AKNA: variants seen among roughly 807,000 people sequenced by gnomAD.
AKNA encodes AT-hook transcription factor, also known as microtubule organization protein AKNA.
Under a neutral mutation model 138.8 loss-of-function variants are expected in AKNA, and 67 were observed. The ratio of observed to expected loss-of-function variants is 0.48; its 90% CI spans 0.40 to 0.59. The LOEUF (loss-of-function observed/expected upper bound fraction) is 0.59. Ranked by LOEUF, AKNA falls within the 20% of genes least tolerant of loss-of-function variation. AKNA has a pLI of 0.00. For missense variants in AKNA, 1,813 were observed against 1,880.4 expected (o/e 0.96, Z 0.66); for synonymous variants, 737 against 754.4 (o/e 0.98, Z 0.38).
At chr9:114,331,248 G>C (rs1829846059), downstream of AKNA, among the ~76,000 whole-genome samples, 1 of 152,088 alleles carries the variant, frequency 6.6e-6, no homozygotes, top group African/African-American at 2.4e-5. Flanking sequence ...GTGGCACATG[G>C]CAGGGATCTG....
downstream of AKNA, chr9:114,331,753 A>G (rs1829857055): frequency 6.3e-7 from 1 of 1,582,282 alleles, no homozygotes; most frequent in Non-Finnish European, 8.7e-7. Context: ...GCTGGCCCCT[A>G]GAACCCCAGC....
Position 114,377,057 on chromosome 9 carries a change from A to G in AKNA, c.750T>C (p.Thr250=). The part of the protein sequence containing the change: ...SHHLLSPDGR[T]GGSVARATPM... The stretch of plus-strand genomic sequence containing the variant: ...GGGTTGCCCGAGCAACACTGCCTCC[A>G]GTTCTGCCATCTGGGCTTAGGAGGT... Residue 250 remains threonine, a synonymous_variant, in exon 3 of 22, where the codon ACT becomes ACC. Coordinates refer to ENST00000374088, the MANE Select transcript of AKNA (RefSeq NM_001317950.2). 6.2e-7 allele frequency: 1 copy of G among 1,614,088 alleles called. No homozygotes were observed.
At position 114,377,323 on chromosome 9, in the gene AKNA, C is replaced by A. The variant is rs1833311879; in HGVS notation, c.484G>T (p.Ala162Ser). Residue 162 changes from alanine (A) to serine (S), a missense_variant, in exon 3 of 22, where the codon GCT (alanine) becomes TCT (serine). Physicochemically the swap from Ala to Ser is moderately conservative, Grantham distance 99. Coordinates refer to ENST00000374088, the MANE Select transcript of AKNA (RefSeq NM_001317950.2). ...CCCCTGGCCTGACCATGCCCAAGAGCCATGGGGCTGGTGTTTCCATGGCCT... is the reference window on the plus strand; with the variant it reads ...CCCCTGGCCTGACCATGCCCAAGAGACATGGGGCTGGTGTTTCCATGGCCT... ...LEGHGNTSPMALGHGQARGWV... is the reference protein window; with the variant it reads ...LEGHGNTSPMSLGHGQARGWV... 1 of 1,613,966 alleles carries A rather than the reference C, an allele frequency of 6.2e-7. No individual in the cohort carries two copies. The highest frequency in any genetic ancestry group is 1.3e-5 in the African/African-American group (1 of 74,930).
intron 8 of AKNA, 124 bp from the exon 9 acceptor site, chr9:114,362,035 T>A (rs1832008520): frequency 1.0e-6 from 1 of 969,842 alleles, no homozygotes; most frequent in African/African-American, 1.6e-5. Context: ...AATATCAGCC[T>A]TTAGATGATG....
At chr9:114,389,035 T>C (rs1284367871), upstream of AKNA, among the ~76,000 whole-genome samples, 1 of 152,054 alleles carries the variant, frequency 6.6e-6, no homozygotes, top group African/African-American at 2.4e-5. Context: ...AGAAGGGTTA[T>C]AGGACGGTCA....
chr9:114,336,985 A>G lies in AKNA; in HGVS notation c.*69T>C. 6.9e-6 allele frequency: 10 copies of G among 1,441,062 alleles called. No individual in the cohort carries two copies. Among genetic ancestry groups the G allele is most frequent in the Non-Finnish European group, 9.2e-6 (10 of 1,092,642 alleles). 89.3% of individuals were successfully genotyped at this position (1,441,062 alleles called of 1,614,324 possible). ...GGGCCTTCTGGGCCTCAGCAGCTCC[A>G]GCCCACTCCTGGCCTGGCAGGCCAC... On this transcript the variant is annotated 3_prime_UTR_variant, in exon 22 of 22. Transcript: ENST00000374088.
upstream of AKNA, chr9:114,388,114 G>A (rs904508217): frequency 1.9e-5 from 5 of 265,304 alleles, no homozygotes; most frequent in Non-Finnish European, 3.2e-5. Flanking sequence ...AGAAGGAGGG[G>A]GTTTGTCTGC....
At chr9:114,389,738 G>T (rs1834264266), upstream of AKNA, among the ~76,000 whole-genome samples, 3 of 152,202 alleles carry the variant, frequency 2.0e-5, no homozygotes, top group Admixed American at 6.5e-5. Context: ...CTTTCCTGAA[G>T]CCTGGCACAC....
intron 11 of AKNA, among the ~76,000 whole-genome samples, chr9:114,358,686 G>A (rs1588975568): frequency 6.6e-6 from 1 of 151,876 alleles, no homozygotes; most frequent in East Asian, 1.9e-4. Flanking sequence ...AGAAGTTCAA[G>A]AGAGGCATTA....
intron 5 of AKNA, among the ~76,000 whole-genome samples, 188 bp from the exon 6 acceptor site, chr9:114,367,885 G>A (rs1832483134): frequency 6.6e-6 from 1 of 152,370 alleles, no homozygotes; most frequent in African/African-American, 2.4e-5. Context: ...GGGAGAACAA[G>A]GTCCAGATCT....
At chr9:114,337,755 G>A (rs1564612407) in intron 21 of AKNA, among the ~76,000 whole-genome samples, 1 of 151,876 alleles carries the variant, frequency 6.6e-6, no homozygotes, top group Admixed American at 6.6e-5. Context: ...CAAGCAAGGG[G>A]TGCTGGAGAA....
At chr9:114,376,417 AGCCAACAGGG>A in intron 3 of AKNA, 39 bp downstream of exon 3, 1 of 1,603,508 alleles carries the variant, frequency 6.2e-7, no homozygotes, top group Non-Finnish European at 8.5e-7. Flanking sequence ...CTCCACCCCA[AGCCAACAGGG>A]GCCTTGGTGA....
chr9:114,346,512 A>T (rs1182054510), intron 17 of AKNA, among the ~76,000 whole-genome samples, 157 bp downstream of exon 17: 1 of 152,250 alleles, frequency 6.6e-6, no homozygotes, highest in East Asian at 1.9e-4. Flanking sequence ...GGACTTTAGA[A>T]GTGCTCTGTG....
At chr9:114,373,058 A>AT (rs1832912117) in intron 4 of AKNA, among the ~76,000 whole-genome samples, 1 of 148,716 alleles carries the variant, frequency 6.7e-6, no homozygotes, top group African/African-American at 2.5e-5. Flanking sequence ...GCCTCTCGAC[A>AT]TTGAGAGCAG....
chr9:114,349,744 C>T (rs1201884342), intron 15 of AKNA, among the ~76,000 whole-genome samples: 1 of 152,206 alleles, frequency 6.6e-6, no homozygotes, highest in Non-Finnish European at 1.5e-5. Context: ...CTCTCTACCC[C>T]TCTCTTCCTT....
chr9:114,360,343 A>G (rs2131918792), intron 9 of AKNA, among the ~76,000 whole-genome samples: 1 of 152,284 alleles, frequency 6.6e-6, no homozygotes, highest in East Asian at 1.9e-4. Context: ...AAACCATTTT[A>G]TAGACAGGTA....
intron 6 of AKNA, among the ~76,000 whole-genome samples, chr9:114,367,005 C>T (rs1297371925): frequency 3.3e-5 from 5 of 152,082 alleles, no homozygotes; most frequent in South Asian, 2.1e-4. Flanking sequence ...GTGGCTAAAA[C>T]GTATGTATTT....
intron 4 of AKNA, among the ~76,000 whole-genome samples, chr9:114,373,034 C>T (rs1030783235): frequency 2.0e-5 from 3 of 151,788 alleles, no homozygotes; most frequent in Admixed American, 6.6e-5. Flanking sequence ...CCTCCGCCCA[C>T]CTGCCCCGGA....
upstream of AKNA, among the ~76,000 whole-genome samples, chr9:114,390,586 C>G (rs545489947): frequency 1.3e-5 from 2 of 152,354 alleles, no homozygotes; most frequent in South Asian, 4.1e-4. Context: ...GTTCCCCACA[C>G]TGCACCGATG....
Sources: gnomAD v4.1 joint callset for allele counts (sites outside exome capture counted in the v4.1 genomes callset) on GRCh38, gnomAD v4.1.1 for gene constraint, MANE v1.5 for transcripts, NCBI Gene and HGNC (gene_info 2026-07-23, HGNC 2026-07-21) for gene names.